The following LDLRAD4 variants were observed in gnomAD, a reference collection of about 807,000 sequenced individuals.
LDLRAD4 encodes the protein low-density lipoprotein receptor class A domain-containing protein 4.
LDLRAD4 carries 5 observed loss-of-function variants against 17.0 expected under a neutral mutation model. The observed-to-expected ratio is 0.29, with a 90% CI of 0.15 to 0.62. The LOEUF (loss-of-function observed/expected upper bound fraction) is 0.62, where lower values mean the gene tolerates loss of function less well. Among genes scored for constraint, LDLRAD4 ranks in the 20% least tolerant of loss-of-function variants. The pLI, the probability that LDLRAD4 is intolerant of heterozygous loss-of-function variation, is 0.84. For missense variants in LDLRAD4, 340 were observed against 424.7 expected, an observed-to-expected ratio of 0.80 and a Z score of 1.75; for synonymous variants, 168 against 171.8, an observed-to-expected ratio of 0.98 and a Z score of 0.17.
In LDLRAD4 at chr18:13,413,142, C is replaced by G. The variant is rs939336163; in HGVS notation, c.41-25102C>G. ...GCCCAGGATGGTGCTTTGAGTGGAG[C>G]TTGGGTCGCATGACTGTGCTTGGCT... On this transcript the variant is annotated intron_variant, in intron 2 of 5. Transcript: ENST00000359446. Among the ~76,000 whole-genome samples, 10 of 152,118 alleles carry G rather than the reference C, an allele frequency of 6.6e-5. No homozygotes were observed. In the East Asian group the frequency reaches 1.9e-3, roughly 29 times the overall value.
Position 13,394,888 on chromosome 18 carries a change from CAT to C in LDLRAD4, c.40+7127_40+7128del, listed in dbSNP as rs562236763. 7.9e-5 allele frequency among the ~76,000 whole-genome samples: 12 copies of C among 152,366 alleles called. No homozygotes were observed. The East Asian group carries it at 2.3e-3, about 29-fold the overall frequency. ...GCCACTTAGCTCTGGAGAAATCAAA[CAT>C]GTGCAGAAAGCAGGTGACTGCTTCC... On this transcript the variant is annotated intron_variant, in intron 2 of 5. Coordinates refer to ENST00000359446, the Ensembl canonical transcript of LDLRAD4.
chr18:13,451,684 C>T (rs565742822), intron 3 of LDLRAD4, among the ~76,000 whole-genome samples: 4 of 152,280 alleles, frequency 2.6e-5, no homozygotes, highest in Non-Finnish European at 4.4e-5. Flanking sequence ...AAGGTGCTGC[C>T]GGACTCAGTG....
intron 1 of LDLRAD4, among the ~76,000 whole-genome samples, chr18:13,296,774 A>G (rs2146501295): frequency 6.6e-6 from 1 of 152,346 alleles, no homozygotes; most frequent in East Asian, 1.9e-4. Context: ...CCATTCTGCC[A>G]CTATTTTCAC....
intron 3 of LDLRAD4, among the ~76,000 whole-genome samples, chr18:13,482,577 A>G (rs1035985150): frequency 6.6e-6 from 1 of 152,250 alleles, no homozygotes; most frequent in Non-Finnish European, 1.5e-5. Context: ...GGAGCACAGC[A>G]TGCCTGAGAG....
intron 3 of LDLRAD4, among the ~76,000 whole-genome samples, chr18:13,503,632 C>T (rs1020560387): frequency 4.6e-5 from 7 of 152,032 alleles, no homozygotes; most frequent in Admixed American, 2.6e-4. Context: ...ATCACAGGGG[C>T]GGGATGTGCC....
At chr18:13,469,315 A>G (rs1304531167) in intron 3 of LDLRAD4, among the ~76,000 whole-genome samples, 1 of 152,240 alleles carries the variant, frequency 6.6e-6, no homozygotes, top group Non-Finnish European at 1.5e-5. Flanking sequence ...TACTATGGAA[A>G]ACAGTTTGAT....
At chr18:13,628,118 G>A (rs1284425) in intron 4 of LDLRAD4, among the ~76,000 whole-genome samples, 26,357 of 152,182 alleles carry the variant, frequency 0.17, 3,300 homozygotes, top group East Asian at 0.52. Context: ...TTCCCACTGC[G>A]GCTGGAGCGC....
intron 3 of LDLRAD4, chr18:13,611,939 C>G: frequency 1.0e-6 from 1 of 985,478 alleles, no homozygotes; most frequent in Non-Finnish European, 1.2e-6. Context: ...AGCCCGCAGC[C>G]TGGCTCGCAG....
At chr18:13,238,923 A>T (rs993259236) in intron 1 of LDLRAD4, among the ~76,000 whole-genome samples, 2 of 152,128 alleles carry the variant, frequency 1.3e-5, no homozygotes, top group Non-Finnish European at 2.9e-5. Context: ...CGGGTGGCTC[A>T]TGTCTGCAAT....
intron 1 of LDLRAD4, among the ~76,000 whole-genome samples, chr18:13,325,146 G>C (rs1044156148): frequency 2.0e-5 from 3 of 152,126 alleles, no homozygotes; most frequent in African/African-American, 7.2e-5. Context: ...GGAGACACGT[G>C]GCCTTCTATC....
chr18:13,331,215 G>A lies in LDLRAD4; in HGVS notation c.-383+53027G>A, dbSNP rs150584856. 4.9e-3 allele frequency among the ~76,000 whole-genome samples: 744 copies of A among 152,316 alleles called. 3 individuals are homozygous for A. Among genetic ancestry groups the A allele is most frequent in the African/African-American group, 0.017 (712 of 41,572 alleles). On this transcript the variant is annotated intron_variant, in intron 1 of 5. Transcript: ENST00000359446. ...GTCTTGGGGACTGAGCCAACAACCT[G>A]TGTGATCTGATGCTGTCTCCAGGTA...
intron 1 of LDLRAD4, among the ~76,000 whole-genome samples, chr18:13,224,096 C>G (rs962599576): frequency 2.6e-5 from 4 of 152,244 alleles, no homozygotes; most frequent in Non-Finnish European, 4.4e-5. Context: ...AACTCCCTCC[C>G]CTGTTTTTAA....
intron 3 of LDLRAD4, among the ~76,000 whole-genome samples, chr18:13,525,385 G>T (rs536401670): frequency 8.5e-5 from 13 of 152,282 alleles, no homozygotes; most frequent in African/African-American, 3.1e-4. Context: ...ATTTAAACAC[G>T]CTAAAGTCAA....
In LDLRAD4 at chr18:13,557,682, G is replaced by A. The variant is rs116041666; in HGVS notation, c.182-63435G>A. Among the ~76,000 whole-genome samples the A allele has an allele frequency of 1.1e-3, 167 of 152,354 alleles. 1 individual carries two copies. Among genetic ancestry groups the A allele is most frequent in the African/African-American group, 3.8e-3 (158 of 41,570 alleles). On this transcript the variant is annotated intron_variant, in intron 3 of 5. Transcript: ENST00000359446. Reference sequence around the variant, plus strand: ...CCCAAAGTACTGTGATTACAGGCGTGAGCCACCACAGCCGGCCTAGACAAA... The same window carrying A: ...CCCAAAGTACTGTGATTACAGGCGTAAGCCACCACAGCCGGCCTAGACAAA...
At chr18:13,286,166 C>G (rs1404188347) in intron 1 of LDLRAD4, among the ~76,000 whole-genome samples, 2 of 152,188 alleles carry the variant, frequency 1.3e-5, no homozygotes, top group African/African-American at 4.8e-5. Context: ...CTCTACATAC[C>G]TCATAAGTGG....
At chr18:13,415,808 A>G (rs1395672832) in intron 2 of LDLRAD4, among the ~76,000 whole-genome samples, 2 of 152,306 alleles carry the variant, frequency 1.3e-5, no homozygotes, top group South Asian at 4.1e-4. Context: ...AGCAGGCATC[A>G]GGGTGGGTGG....
chr18:13,641,297 GTAAA>G (rs993098742), intron 4 of LDLRAD4, among the ~76,000 whole-genome samples: 2 of 152,162 alleles, frequency 1.3e-5, no homozygotes, highest in Admixed American at 6.5e-5. Context: ...GGATGGATAG[GTAAA>G]TAGAGAGAGA....
intron 3 of LDLRAD4, among the ~76,000 whole-genome samples, chr18:13,544,188 G>A (rs1189768903): frequency 1.3e-5 from 2 of 152,256 alleles, no homozygotes; most frequent in African/African-American, 4.8e-5. Context: ...TGAAAAACGT[G>A]TTGATTGCCT....
At chr18:13,576,896 G>C (rs147317480) in intron 3 of LDLRAD4, among the ~76,000 whole-genome samples, 1 of 152,234 alleles carries the variant, frequency 6.6e-6, no homozygotes, top group Non-Finnish European at 1.5e-5. Flanking sequence ...CTGAGCAGAC[G>C]GGAGGACCTG....
Sources: allele counts gnomAD v4.1 joint callset (sites outside exome capture counted in the v4.1 genomes callset), GRCh38; gene constraint gnomAD v4.1.1; transcripts MANE v1.5; gene names NCBI Gene and HGNC (gene_info 2026-07-23, HGNC 2026-07-21).